Variants in POLE2 observed in about 807,000 individuals in gnomAD.
The protein encoded by POLE2 is DNA polymerase epsilon 2, accessory subunit.
In POLE2, 56 loss-of-function variants were observed where a neutral mutation model predicts 79.4. The ratio of observed to expected loss-of-function variants is 0.71; its 90% CI spans 0.57 to 0.88. The LOEUF (loss-of-function observed/expected upper bound fraction) is 0.88, where lower values mean the gene tolerates loss of function less well. Ranked by LOEUF, POLE2 falls within the 40% of genes least tolerant of loss-of-function variation. The pLI is 0.00. For missense variants in POLE2, 598 were observed against 638.9 expected, an observed-to-expected ratio of 0.94 and a Z score of 0.69; for synonymous variants, 212 against 214.0, an observed-to-expected ratio of 0.99 and a Z score of 0.08.
chr14:49,653,801 C>G, intron 15 of POLE2, 189 bp downstream of exon 15: 1 of 497,148 alleles, frequency 2.0e-6, no homozygotes, highest in Admixed American at 3.7e-5. Flanking sequence ...GCGCGTGCCA[C>G]CAAGCCCAGC....
Position 49,669,591 on chromosome 14 carries a change from T to C in POLE2, c.425A>G (p.His142Arg), listed in dbSNP as rs1885727855. The C allele has an allele frequency of 1.3e-6, 2 of 1,565,120 alleles. No homozygotes were observed. Among genetic ancestry groups the C allele is most frequent in the South Asian group, 2.2e-5 (2 of 89,390 alleles). Reference protein sequence around the residue: ...ERYTILHQRTHRHELFTPPVI... With the variant: ...ERYTILHQRTRRHELFTPPVI... ...CGGAGGAGTAAATAATTCATGCCTG[T>C]GGGTCCTCTATAAAAAAGAAAGATT... Residue 142 changes from histidine (H) to arginine (R), a missense_variant, in exon 6 of 19, where the codon CAC (histidine) becomes CGC (arginine). Physicochemically the swap from His to Arg is conservative, Grantham distance 29. Coordinates refer to ENST00000216367, the MANE Select transcript of POLE2 (RefSeq NM_002692.4).
chr14:49,660,815 C>T (rs1030908455), intron 10 of POLE2, among the ~76,000 whole-genome samples: 7 of 152,174 alleles, frequency 4.6e-5, no homozygotes, highest in Non-Finnish European at 8.8e-5. Flanking sequence ...CACTTGAAAC[C>T]GGGAAGTAGA....
At chr14:49,662,379 C>T (rs1202708419) in intron 10 of POLE2, among the ~76,000 whole-genome samples, 1 of 152,254 alleles carries the variant, frequency 6.6e-6, no homozygotes, top group East Asian at 1.9e-4. Context: ...CTCACTGCAA[C>T]CTCTGCCTCC....
chr14:49,647,158 G>A, intron 18 of POLE2, 135 bp downstream of exon 18: 1 of 568,020 alleles, frequency 1.8e-6, no homozygotes, highest in Non-Finnish European at 3.1e-6. Flanking sequence ...ACCGTGATAA[G>A]CTCAGCCAAT....
At position 49,671,390 on chromosome 14, in the gene POLE2, G is replaced by A. The variant is rs551004703; in HGVS notation, c.418-1792C>T. 5.3e-5 allele frequency among the ~76,000 whole-genome samples: 8 copies of A among 152,130 alleles called. No individual in the cohort carries two copies. In the East Asian group the frequency reaches 9.7e-4, roughly 18 times the overall value. ...TCCTAACACTTTGGGAGGCCGAGGC[G>A]GGTGGATCACGAGGTCAGGAGATGG... On this transcript the variant is annotated intron_variant, in intron 5 of 18. Coordinates refer to ENST00000216367, the MANE Select transcript of POLE2 (RefSeq NM_002692.4).
At chr14:49,656,282 G>C (rs1256722020) in intron 10 of POLE2, among the ~76,000 whole-genome samples, 3 of 151,882 alleles carry the variant, frequency 2.0e-5, no homozygotes, top group African/African-American at 7.3e-5. Context: ...GTGAACCCCG[G>C]GGGGCGGAGC....
intron 5 of POLE2, among the ~76,000 whole-genome samples, chr14:49,673,659 C>G (rs1360881734): frequency 6.6e-6 from 1 of 152,120 alleles, no homozygotes; most frequent in East Asian, 1.9e-4. Context: ...AGACTGTAAG[C>G]TACTTGAAAG....
intron 11 of POLE2, 33 bp from the exon 12 acceptor site, chr14:49,655,127 T>G: frequency 9.5e-7 from 1 of 1,054,020 alleles, no homozygotes; most frequent in Non-Finnish European, 1.3e-6. Flanking sequence ...AACAATACTT[T>G]TCTAGTCTAC....
At chr14:49,657,499 G>A (rs529649141) in intron 10 of POLE2, among the ~76,000 whole-genome samples, 28 of 150,930 alleles carry the variant, frequency 1.9e-4, no homozygotes, top group African/African-American at 6.6e-4. Context: ...GTGCTGCAGC[G>A]GTGCGATCTC....
At chr14:49,681,933 A>G (rs1303754352) in intron 2 of POLE2, 3 of 153,210 alleles carry the variant, frequency 2.0e-5, no homozygotes, top group Non-Finnish European at 4.4e-5. Context: ...CTTATGTTTC[A>G]TAACTTTGGT....
chr14:49,675,173 C>T (rs1950624349), intron 3 of POLE2, among the ~76,000 whole-genome samples: 1 of 151,938 alleles, frequency 6.6e-6, no homozygotes, highest in African/African-American at 2.4e-5. Flanking sequence ...CAACCTCCGC[C>T]TCCAGGGTTC....
intron 1 of POLE2, among the ~76,000 whole-genome samples, chr14:49,685,413 A>G (rs1465178541): frequency 6.6e-6 from 1 of 152,140 alleles, no homozygotes; most frequent in African/African-American, 2.4e-5. Flanking sequence ...TGAGTCCCTA[A>G]AATCATATAC....
chr14:49,684,661 TAAAAAAAAAAA>T (rs568332625), intron 1 of POLE2: 2 of 100,316 alleles, frequency 2.0e-5, no homozygotes, highest in African/African-American at 3.8e-5. Context: ...TGACCATCAT[TAAAAAAAAAAA>T]AAAAAAAAAA....
At chr14:49,682,733 T>C (rs1886821840) in intron 2 of POLE2, among the ~76,000 whole-genome samples, 1 of 151,508 alleles carries the variant, frequency 6.6e-6, no homozygotes, top group African/African-American at 2.4e-5. Context: ...TCATTATCAG[T>C]GCATTAGTAG....
chr14:49,686,559 C>A (rs1339246099), intron 1 of POLE2, among the ~76,000 whole-genome samples: 2 of 152,184 alleles, frequency 1.3e-5, no homozygotes, highest in Non-Finnish European at 2.9e-5. Context: ...GAATTCCTAA[C>A]CCACAGAAAA....
intron 1 of POLE2, among the ~76,000 whole-genome samples, chr14:49,687,300 CCACACACACACACACACA>C (rs60811856): frequency 3.6e-5 from 5 of 139,744 alleles, no homozygotes; most frequent in Admixed American, 1.5e-4. Context: ...TACACACACA[CCACACACACACACACACA>C]CACACACACA....
In POLE2 at chr14:49,655,833, C is replaced by T. The variant is rs1884624546; in HGVS notation, c.766G>A (p.Gly256Arg). 4.7e-6 allele frequency: 7 copies of T among 1,495,248 alleles called. No homozygotes were observed. Among genetic ancestry groups the T allele is most frequent in the Non-Finnish European group, 6.5e-6 (7 of 1,081,312 alleles). 92.6% of individuals were successfully genotyped at this position (1,495,248 alleles called of 1,614,324 possible). The change falls in exon 11 of 19, where the codon GGA becomes AGA. Residue 256 changes from glycine to arginine, a missense_variant. Physicochemically the swap from Gly to Arg is moderately radical, Grantham distance 125. Coordinates refer to ENST00000216367, the MANE Select transcript of POLE2 (RefSeq NM_002692.4). ...GGACCTCCAAAAAAATTAATATTTC[C>T]ATAGTATGCCCTAGATAATTATAAC... is the stretch of plus-strand genomic sequence containing the variant. ...EPSSTTRAYYGNINFFGGPSN... is the reference protein window; with the variant it reads ...EPSSTTRAYYRNINFFGGPSN...
chr14:49,660,351 T>G (rs1885014658), intron 10 of POLE2, among the ~76,000 whole-genome samples: 1 of 152,194 alleles, frequency 6.6e-6, no homozygotes, highest in African/African-American at 2.4e-5. Flanking sequence ...CCCGTTGTTA[T>G]GCAATACACA....
chr14:49,655,592 G>GTTTTT, intron 11 of POLE2, 79 bp downstream of exon 11: 1 of 918,832 alleles, frequency 1.1e-6, no homozygotes, highest in Admixed American at 2.5e-5. Context: ...TACTCAAAAA[G>GTTTTT]ATAAATAGAA....
Sources: allele counts gnomAD v4.1 joint callset (sites outside exome capture counted in the v4.1 genomes callset), GRCh38; gene constraint gnomAD v4.1.1; transcripts MANE v1.5; gene names NCBI Gene and HGNC (gene_info 2026-07-23, HGNC 2026-07-21).